LMBR1L: variants seen among roughly 807,000 people sequenced by gnomAD.
LMBR1L encodes the protein limb development membrane protein 1 like, also known as protein LMBR1L.
LMBR1L carries 47 observed loss-of-function variants against 67.3 expected under a neutral mutation model. That is an observed-to-expected ratio of 0.70 (90% CI 0.55 to 0.89). LMBR1L has a LOEUF of 0.89. Ranked by LOEUF, LMBR1L falls within the 40% of genes least tolerant of loss-of-function variation. The pLI is 0.00. For missense variants in LMBR1L, 533 were observed against 599.2 expected, an observed-to-expected ratio of 0.89 and a Z score of 1.15; for synonymous variants, 247 against 250.3, an observed-to-expected ratio of 0.99 and a Z score of 0.13.
intron 10 of LMBR1L, 42 bp downstream of exon 10, chr12:49,102,251 T>C (rs1395729483): frequency 2.5e-6 from 4 of 1,613,370 alleles, no homozygotes; most frequent in South Asian, 1.1e-5. Context: ...GCTACTCTCC[T>C]TGGGGAAACC....
chr12:49,098,131 G>A, intron 15 of LMBR1L, 26 bp from the exon 16 acceptor site: 4 of 1,556,018 alleles, frequency 2.6e-6, no homozygotes, highest in Non-Finnish European at 3.5e-6. Flanking sequence ...CAGGATGAGA[G>A]GTGGGCTCCC....
In LMBR1L at chr12:49,100,430, G is replaced by C. The variant is rs777500998; in HGVS notation, c.1198C>G (p.Leu400Val). The change falls in exon 15 of 17, where the codon CTG becomes GTG. Residue 400 changes from leucine (L) to valine (V), a missense_variant. This residue lies in a region of LMBR1L where 223 missense variants were observed against 241.2 expected (regional missense o/e 0.92). Transcript: ENST00000267102. ...TQIIGNCVCL[L>V]VLSSALPVFS... ...ACAGGAAGTGCTGAGCTTAGGACCA[G>C]GAGACAGACACAGTTCCCAATTATC... 6.2e-7 allele frequency: 1 copy of C among 1,614,022 alleles called. No individual in the cohort carries two copies. Among genetic ancestry groups the C allele is most frequent in the Non-Finnish European group, 8.5e-7 (1 of 1,179,858 alleles).
chr12:49,104,541 G>A lies in LMBR1L; in HGVS notation c.342C>T (p.Asn114=), dbSNP rs1053690493. 1.9e-6 allele frequency: 3 copies of A among 1,613,760 alleles called. No individual in the cohort carries two copies. In the African/African-American group the frequency reaches 4.0e-5, roughly 22 times the overall value. The change falls in exon 5 of 17, where the codon AAC becomes AAT. Residue 114 remains asparagine, a synonymous_variant. Transcript: ENST00000267102. ...LNGSLIHGLW[N]LVFLFSNLSL... ...ACAGGTTGGAGAAGAGAAAAACAAG[G>A]TTCCAGAGGCCTAGAGCAAAAAAGG...
At chr12:49,100,016 T>C (rs929707435) in intron 15 of LMBR1L, among the ~76,000 whole-genome samples, 1 of 152,238 alleles carries the variant, frequency 6.6e-6, no homozygotes, top group Non-Finnish European at 1.5e-5. Flanking sequence ...CTAGACTGAC[T>C]TGACCTTGCC....
chr12:49,106,480 C>T, intron 2 of LMBR1L: 1 of 897,638 alleles, frequency 1.1e-6, no homozygotes, highest in Admixed American at 2.3e-5. Flanking sequence ...TACACAATGT[C>T]TAGGGAAGGA....
chr12:49,102,357 C>G lies in LMBR1L; in HGVS notation c.789G>C (p.Leu263=), dbSNP rs200463757. ...RRICNPTSCW[L]PLDMELLHRQ... The stretch of plus-strand genomic sequence containing the variant: ...TGTGTAGCAGCTCCATGTCTAAAGG[C>G]AGCCAGCAGGAAGTAGGATCTGAGG... Residue 263 remains leucine (L), a synonymous_variant, in exon 10 of 17, where the codon CTG becomes CTC. Coordinates refer to ENST00000267102, the MANE Select transcript of LMBR1L (RefSeq NM_018113.4). 1 of 1,614,230 alleles carries G rather than the reference C, an allele frequency of 6.2e-7. No homozygotes were observed.
At chr12:49,107,188 T>G in intron 1 of LMBR1L, 143 bp from the exon 2 acceptor site, 1 of 618,886 alleles carries the variant, frequency 1.6e-6, no homozygotes, top group Non-Finnish European at 2.8e-6. Context: ...AAGTATGTTC[T>G]GTTCTGATCC....
In LMBR1L at chr12:49,100,407, AG is replaced by A; in HGVS notation, c.1220del (p.Pro407LeufsTer46). 6.2e-7 allele frequency: 1 copy of A among 1,613,914 alleles called. No individual in the cohort carries two copies. Among genetic ancestry groups the A allele is most frequent in the Non-Finnish European group, 8.5e-7 (1 of 1,179,730 alleles). On this transcript the variant is annotated frameshift_variant, in exon 15 of 17. Transcript: ENST00000267102. LOFTEE classifies it high-confidence loss of function. ...VCLLVLSSAL[P>X]VFSRTLGLTR... ...ACTTACCCAGGGTTCGAGAGAAGAC[AG>A]GAAGTGCTGAGCTTAGGACCAGGAG...
chr12:49,108,958 T>C (rs1459405883), intron 1 of LMBR1L, among the ~76,000 whole-genome samples: 2 of 152,042 alleles, frequency 1.3e-5, no homozygotes, highest in African/African-American at 4.8e-5. Context: ...CTTTTGATAT[T>C]AGGGAAGCAG....
At chr12:49,108,786 T>C (rs914165672) in intron 1 of LMBR1L, among the ~76,000 whole-genome samples, 3 of 151,294 alleles carry the variant, frequency 2.0e-5, no homozygotes, top group African/African-American at 7.3e-5. Context: ...AGAAGAGAAG[T>C]TATTGTGTTT....
rs79439940 is a variant in LMBR1L, at chr12:49,105,459, T to C, written c.191+465A>G. On this transcript the variant is annotated intron_variant, in intron 3 of 16. Coordinates refer to ENST00000267102, the MANE Select transcript of LMBR1L (RefSeq NM_018113.4). ...GGGTGGAGGGCTGCCTTCTGATCTA[T>C]TGACTCAAAGGAGTCATATCTCTAT... Among the ~76,000 whole-genome samples, 1,145 of 152,330 alleles carry C rather than the reference T, an allele frequency of 7.5e-3. 13 individuals carry two copies. The highest frequency in any genetic ancestry group is 0.026 in the African/African-American group (1,070 of 41,568).
intron 8 of LMBR1L, 93 bp downstream of exon 8, chr12:49,102,794 T>C: frequency 8.4e-7 from 1 of 1,186,342 alleles, no homozygotes; most frequent in Non-Finnish European, 1.3e-6. Context: ...CTGCAAGTTG[T>C]GTACTACACA....
chr12:49,100,730 TTC>T (rs1438808514), intron 13 of LMBR1L, 84 bp from the exon 14 acceptor site: 13 of 1,046,966 alleles, frequency 1.2e-5, no homozygotes, highest in African/African-American at 1.0e-4. Context: ...CCCAGCCCAC[TTC>T]TTTTTTTTTT....
At chr12:49,106,468 A>G in intron 2 of LMBR1L, 1 of 811,310 alleles carries the variant, frequency 1.2e-6, no homozygotes, top group Non-Finnish European at 1.8e-6. Flanking sequence ...CCCACCCCCA[A>G]TTACACAATG....
intron 15 of LMBR1L, 50 bp from the exon 16 acceptor site, chr12:49,098,155 G>A (rs763094105): frequency 1.3e-6 from 2 of 1,568,316 alleles, no homozygotes; most frequent in South Asian, 2.3e-5. Context: ...GCCCTTTTCT[G>A]CTACCAGCCC....
intron 2 of LMBR1L, 118 bp from the exon 3 acceptor site, chr12:49,106,075 G>A (rs1250110376): frequency 3.7e-6 from 3 of 811,562 alleles, no homozygotes; most frequent in Non-Finnish European, 6.0e-6. Context: ...AGGCAGAGCT[G>A]AACAGGAGGC....
At chr12:49,105,456 C>G (rs1940776092) in intron 3 of LMBR1L, among the ~76,000 whole-genome samples, 1 of 152,182 alleles carries the variant, frequency 6.6e-6, no homozygotes, top group Non-Finnish European at 1.5e-5. Flanking sequence ...GCCTTCTGAT[C>G]TATTGACTCA....
chr12:49,099,584 T>C (rs1246647055), intron 15 of LMBR1L, among the ~76,000 whole-genome samples: 1 of 150,972 alleles, frequency 6.6e-6, no homozygotes, highest in African/African-American at 2.4e-5. Flanking sequence ...TCTTGAACTT[T>C]TTTTTTTTTT....
intron 1 of LMBR1L, among the ~76,000 whole-genome samples, chr12:49,108,761 C>G (rs1941220764): frequency 6.6e-6 from 1 of 151,928 alleles, no homozygotes; most frequent in Non-Finnish European, 1.5e-5. Context: ...ACAAAAAAAA[C>G]ACCAGAGAGT....
Sources: allele counts gnomAD v4.1 joint callset (sites outside exome capture counted in the v4.1 genomes callset), GRCh38; gene constraint gnomAD v4.1.1; regional missense constraint gnomAD v4.1.1; transcripts MANE v1.5; gene names NCBI Gene and HGNC (gene_info 2026-07-23, HGNC 2026-07-21).